Variants in AP1S3 observed in about 807,000 individuals in gnomAD.
AP1S3 encodes adaptor related protein complex 1 subunit sigma 3.
A neutral mutation model predicts 20.9 loss-of-function variants in AP1S3; 10 were observed. The ratio of observed to expected loss-of-function variants is 0.48; its 90% CI spans 0.29 to 0.81. The LOEUF is 0.81. Among genes scored for constraint, AP1S3 ranks in the 30% least tolerant of loss-of-function variants. The pLI, the probability that AP1S3 is intolerant of heterozygous loss-of-function variation, is 0.08. For missense variants in AP1S3, 154 were observed against 183.8 expected (o/e 0.84, Z 0.94); for synonymous variants, 41 against 61.5 (o/e 0.67, Z 1.56).
At chr2:223,805,304 A>G (rs1337826490) in intron 1 of AP1S3, among the ~76,000 whole-genome samples, 1 of 152,148 alleles carries the variant, frequency 6.6e-6, no homozygotes, top group Non-Finnish European at 1.5e-5. Context: ...TTAGCTGGGC[A>G]TGGTAGCGGG....
intron 4 of AP1S3, among the ~76,000 whole-genome samples, chr2:223,761,262 A>G (rs1004844685): frequency 5.3e-5 from 8 of 152,198 alleles, no homozygotes; most frequent in Admixed American, 4.6e-4. Flanking sequence ...TCTTATGCAT[A>G]TAGCACAGTG....
Position 223,825,581 on chromosome 2 carries a change from C to T in AP1S3, c.3+11867G>A, listed in dbSNP as rs114062727. Among the ~76,000 whole-genome samples, 568 of 152,294 alleles carry T rather than the reference C, an allele frequency of 3.7e-3. 2 individuals carry two copies. The highest frequency in any genetic ancestry group is 0.014 in the Middle Eastern group (4 of 294). On this transcript the variant is annotated intron_variant, in intron 1 of 4. Coordinates refer to ENST00000396654, the MANE Select transcript of AP1S3 (RefSeq NM_001039569.2). Reference sequence around the variant, plus strand: ...GGCAATTATATAATTTAACAACATACTTCAGAGCTTAATTTTCCACTCTAG... The same window carrying T: ...GGCAATTATATAATTTAACAACATATTTCAGAGCTTAATTTTCCACTCTAG...
chr2:223,826,508 G>C (rs1284071070), intron 1 of AP1S3, among the ~76,000 whole-genome samples: 1 of 152,102 alleles, frequency 6.6e-6, no homozygotes, highest in Admixed American at 6.6e-5. Flanking sequence ...CATGAGAATC[G>C]CTTGAACCCG....
chr2:223,774,902 T>C (rs1690745153), intron 3 of AP1S3, among the ~76,000 whole-genome samples: 1 of 149,494 alleles, frequency 6.7e-6, no homozygotes, highest in Non-Finnish European at 1.5e-5. Flanking sequence ...AAGAGTCACT[T>C]AGTAAGGGAT....
At chr2:223,823,350 T>C (rs904513452) in intron 1 of AP1S3, among the ~76,000 whole-genome samples, 78 of 152,166 alleles carry the variant, frequency 5.1e-4, no homozygotes, top group African/African-American at 1.7e-3. Flanking sequence ...TAAATGTCCG[T>C]CAGTGGATGG....
At chr2:223,775,790 C>T in intron 3 of AP1S3, 111 bp downstream of exon 3, 1 of 802,254 alleles carries the variant, frequency 1.2e-6, no homozygotes, top group Non-Finnish European at 2.0e-6. Flanking sequence ...GGTTCAAGTT[C>T]AATTCATATT....
chr2:223,828,866 T>C (rs749615061), intron 1 of AP1S3, among the ~76,000 whole-genome samples: 3 of 151,778 alleles, frequency 2.0e-5, no homozygotes, highest in Non-Finnish European at 4.4e-5. Context: ...TTTTTGAGAC[T>C]GAGTCTCACT....
At chr2:223,808,227 T>A (rs991889736) in intron 1 of AP1S3, among the ~76,000 whole-genome samples, 1 of 152,208 alleles carries the variant, frequency 6.6e-6, no homozygotes, top group African/African-American at 2.4e-5. Flanking sequence ...TGGTCAGCAC[T>A]GAGCTTCAAG....
At chr2:223,824,614 T>G (rs1171403118) in intron 1 of AP1S3, among the ~76,000 whole-genome samples, 1 of 152,100 alleles carries the variant, frequency 6.6e-6, no homozygotes, top group Non-Finnish European at 1.5e-5. Context: ...CTCGGCTCAT[T>G]GTAACCTCCC....
intron 3 of AP1S3, among the ~76,000 whole-genome samples, chr2:223,771,481 T>G (rs191274407): frequency 1.3e-5 from 2 of 152,354 alleles, no homozygotes; most frequent in Non-Finnish European, 2.9e-5. Flanking sequence ...TCCCTCACCA[T>G]GTTAATAAAC....
intron 1 of AP1S3, among the ~76,000 whole-genome samples, chr2:223,782,634 T>G (rs1690976811): frequency 6.6e-6 from 1 of 152,190 alleles, no homozygotes; most frequent in Non-Finnish European, 1.5e-5. Flanking sequence ...CAATGTTTCA[T>G]TCTAACAACA....
intron 1 of AP1S3, among the ~76,000 whole-genome samples, chr2:223,808,748 G>A (rs1266599642): frequency 6.6e-6 from 1 of 152,220 alleles, no homozygotes; most frequent in East Asian, 1.9e-4. Context: ...GCTCACGCCT[G>A]TAATTCCAGC....
Position 223,837,511 on chromosome 2 carries a change from A to T in AP1S3, c.-61T>A. ...AAGGAGCGCTGGAGAAGCGAGGGCG[A>T]GAGGCGAGCGCTGGAGCCGGTGCGG... On this transcript the variant is annotated 5_prime_UTR_variant, in exon 1 of 5. Coordinates refer to ENST00000396654, the MANE Select transcript of AP1S3 (RefSeq NM_001039569.2). 8.3e-7 allele frequency: 1 copy of T among 1,206,418 alleles called. No homozygotes were observed. The highest frequency in any genetic ancestry group is 1.0e-6 in the Non-Finnish European group (1 of 954,456). 74.7% of individuals were successfully genotyped at this position (1,206,418 alleles called of 1,614,324 possible). A position where few individuals can be genotyped will look rare whatever the true frequency, so the allele number is the denominator to read the frequency against.
At chr2:223,820,752 A>G (rs1691968925) in intron 1 of AP1S3, among the ~76,000 whole-genome samples, 1 of 151,656 alleles carries the variant, frequency 6.6e-6, no homozygotes, top group Non-Finnish European at 1.5e-5. Flanking sequence ...GCAAATCAAC[A>G]TCCTCCACCA....
rs367804093 is a variant in AP1S3, at chr2:223,828,906, G to A, written c.3+8542C>T. On this transcript the variant is annotated intron_variant, in intron 1 of 4. Transcript: ENST00000396654. ...CACCCAGGCTGGAGTGCAGTGGCGC[G>A]ATCTCGGCTCACTGCAACCTCCACC... Among the ~76,000 whole-genome samples, 44 of 152,066 alleles carry A rather than the reference G, an allele frequency of 2.9e-4. No individual in the cohort carries two copies. The South Asian group carries it at 5.4e-3, about 19-fold the overall frequency.
intron 1 of AP1S3, among the ~76,000 whole-genome samples, chr2:223,794,769 A>G (rs1274526879): frequency 6.6e-6 from 1 of 152,110 alleles, no homozygotes; most frequent in Non-Finnish European, 1.5e-5. Context: ...TGAAAGCCAC[A>G]AGACTATCTT....
At chr2:223,770,727 ATTTTTTTTTTT>A (rs764596538) in intron 3 of AP1S3, among the ~76,000 whole-genome samples, 1 of 115,316 alleles carries the variant, frequency 8.7e-6, no homozygotes, top group Non-Finnish European at 1.6e-5. Context: ...AGACCAGTTC[ATTTTTTTTTTT>A]TTTTTTTTGG....
chr2:223,809,233 C>G (rs1321329851), intron 1 of AP1S3, among the ~76,000 whole-genome samples: 1 of 152,196 alleles, frequency 6.6e-6, no homozygotes, highest in Non-Finnish European at 1.5e-5. Flanking sequence ...CTGAAATCAT[C>G]TACTCTTCCC....
Position 223,775,958 on chromosome 2 carries a change from G to A in AP1S3, c.234C>T (p.Leu78=), listed in dbSNP as rs1690773523. The change falls in exon 3 of 5, where the codon CTC becomes CTT. Residue 78 remains leucine (L), a synonymous_variant. Transcript: ENST00000396654. Reference sequence around the variant, plus strand: ...AACGATGCACAATCTCTAGCGTCAAGAGCTCATTGTCCTGATTTTCTATTG... The same window carrying A: ...AACGATGCACAATCTCTAGCGTCAAAAGCTCATTGTCCTGATTTTCTATTG... ...CCAIENQDNE[L]LTLEIVHRYV... is the part of the protein sequence containing the mutation. 1 of 1,614,132 alleles carries A rather than the reference G, an allele frequency of 6.2e-7. No individual in the cohort carries two copies. The highest frequency in any genetic ancestry group is 8.5e-7 in the Non-Finnish European group (1 of 1,180,008).
Sources: gnomAD v4.1 joint callset for allele counts (sites outside exome capture counted in the v4.1 genomes callset) on GRCh38, gnomAD v4.1.1 for gene constraint, MANE v1.5 for transcripts, NCBI Gene and HGNC (gene_info 2026-07-23, HGNC 2026-07-21) for gene names.